Variants in TRIM6 observed in about 807,000 individuals in gnomAD.
TRIM6 encodes tripartite motif containing 6, also known as tripartite motif-containing protein 6.
In TRIM6, 43 loss-of-function variants were observed where a neutral mutation model predicts 51.2. The observed-to-expected ratio is 0.84, with a 90% CI of 0.66 to 1.08. The LOEUF (loss-of-function observed/expected upper bound fraction) is 1.08. Ranked by LOEUF, TRIM6 falls within the 50% of genes least tolerant of loss-of-function variation. TRIM6 has a pLI of 0.00. For synonymous variants in TRIM6, 215 were observed against 232.4 expected (o/e 0.93, Z 0.68); for missense variants, 669 against 619.0 (o/e 1.08, Z -0.86).
intron 5 of TRIM6, among the ~76,000 whole-genome samples, chr11:5,609,808 A>G (rs1239308833): frequency 2.6e-5 from 4 of 152,168 alleles, no homozygotes; most frequent in African/African-American, 9.7e-5. Context: ...CTGTAGTCCC[A>G]GCTACTCAGA....
intron 1 of TRIM6, among the ~76,000 whole-genome samples, chr11:5,597,121 C>T (rs1847516393): frequency 6.6e-6 from 1 of 152,168 alleles, no homozygotes; most frequent in South Asian, 2.1e-4. Flanking sequence ...AGCATAGATG[C>T]CGCAGCCAGA....
intron 7 of TRIM6, 92 bp from the exon 8 acceptor site, chr11:5,610,685 G>T: frequency 6.4e-7 from 1 of 1,571,088 alleles, no homozygotes. Flanking sequence ...TATAGTTCCA[G>T]TTCCTCCAAC....
intron 1 of TRIM6, among the ~76,000 whole-genome samples, chr11:5,599,298 C>T (rs950000701): frequency 6.6e-6 from 1 of 152,056 alleles, no homozygotes; most frequent in East Asian, 1.9e-4. Flanking sequence ...ACAGTTTTGC[C>T]TGAAATGAAA....
chr11:5,603,354 CT>C lies in TRIM6; in HGVS notation c.127del (p.Cys43AlafsTer8). On this transcript the variant is annotated frameshift_variant, in exon 2 of 8. Coordinates refer to ENST00000380097, the MANE Select transcript of TRIM6 (RefSeq NM_001003818.3). LOFTEE classifies it high-confidence loss of function. The part of the protein sequence containing the change: ...VLVDIREEVT[C>X]PICLELLTEP... ...TGGTGGACATACGAGAAGAGGTGAC[CT>C]GCCCTATCTGCCTGGAGCTCCTAAC... 6.2e-7 allele frequency: 1 copy of C among 1,614,040 alleles called. No individual in the cohort carries two copies. The highest frequency in any genetic ancestry group is 8.5e-7 in the Non-Finnish European group (1 of 1,180,014).
chr11:5,597,537 G>T (rs947493929), intron 1 of TRIM6, among the ~76,000 whole-genome samples: 1 of 151,882 alleles, frequency 6.6e-6, no homozygotes, highest in African/African-American at 2.4e-5. Context: ...CCTACACAAA[G>T]ATAAAAAAAA....
chr11:5,603,295 G>T lies in TRIM6; in HGVS notation c.67G>T (p.Ala23Ser). ...AGAAATCAGGGTTGGGCAGGCAGGA[G>T]CCAGGAGAGTAGCTACAATGACTTC... ...ILEIRVGQAG[A>S]RRVATMTSPV... Residue 23 changes from alanine (A) to serine (S), a missense_variant, in exon 2 of 8, where the codon GCC becomes TCC. Ala to Ser is a moderately conservative substitution (Grantham distance 99). Coordinates refer to ENST00000380097, the MANE Select transcript of TRIM6 (RefSeq NM_001003818.3). 6.2e-7 allele frequency: 1 copy of T among 1,614,122 alleles called. No homozygotes were observed. Among genetic ancestry groups the T allele is most frequent in the Non-Finnish European group, 8.5e-7 (1 of 1,180,022 alleles).
Position 5,605,553 on chromosome 11 carries a change from A to T in TRIM6, c.820A>T (p.Met274Leu). Residue 274 changes from methionine to leucine, a missense_variant, in exon 4 of 8, where the codon ATG becomes TTG. Met to Leu is a conservative substitution (Grantham distance 15). Transcript: ENST00000380097. ...GGAGCGTCGATGTCAGGGGTCAACA[A>T]TGGAGCTGCTGCAGGTAAGGCTTGT... ...DLERRCQGSTMELLQDVSDVT... is the reference protein window; with the variant it reads ...DLERRCQGSTLELLQDVSDVT... 1.9e-6 allele frequency: 3 copies of T among 1,613,142 alleles called. No homozygotes were observed. The highest frequency in any genetic ancestry group is 2.5e-6 in the Non-Finnish European group (3 of 1,179,590).
At position 5,611,103 on chromosome 11, in the gene TRIM6, C is replaced by T; in HGVS notation, c.1312C>T (p.His438Tyr). The change falls in exon 8 of 8, where the codon CAT becomes TAT. Residue 438 changes from histidine (H) to tyrosine (Y), a missense_variant. His to Tyr is a moderately conservative substitution (Grantham distance 83). Coordinates refer to ENST00000380097, the MANE Select transcript of TRIM6 (RefSeq NM_001003818.3). ...GYWVIGLQHN[H>Y]EYRAYEDSSP... is the part of the protein sequence containing the mutation. ...CTGGGTGATTGGGTTACAGCATAAC[C>T]ATGAATATAGGGCCTATGAGGATTC... The T allele has an allele frequency of 6.2e-7, 1 of 1,614,148 alleles. No homozygotes were observed. The highest frequency in any genetic ancestry group is 1.1e-5 in the South Asian group (1 of 91,082).
Position 5,596,711 on chromosome 11 carries a change from G to A in TRIM6, c.-187G>A, listed in dbSNP as rs560816571. On this transcript the variant is annotated 5_prime_UTR_variant, in exon 1 of 8. Coordinates refer to ENST00000380097, the MANE Select transcript of TRIM6 (RefSeq NM_001003818.3). ...GTCCGTTCAACGGCCAAAGGCTGGC[G>A]GAGGAGGGATCCCCTGCCTTTCTCG... 20 of 848,322 alleles carry A rather than the reference G, an allele frequency of 2.4e-5. No individual in the cohort carries two copies. Among genetic ancestry groups the A allele is most frequent in the South Asian group, 2.3e-4 (15 of 64,512 alleles). 52.5% of individuals were successfully genotyped at this position (848,322 alleles called of 1,614,324 possible). A position where few individuals can be genotyped will look rare whatever the true frequency, so the allele number is the denominator to read the frequency against.
In TRIM6 at chr11:5,596,681, G is replaced by T; in HGVS notation, c.-217G>T. The T allele has an allele frequency of 1.5e-6, 1 of 666,944 alleles. No individual in the cohort carries two copies. Among genetic ancestry groups the T allele is most frequent in the South Asian group, 1.9e-5 (1 of 53,890 alleles). 41.3% of individuals were successfully genotyped at this position (666,944 alleles called of 1,614,324 possible). A position where few individuals can be genotyped will look rare whatever the true frequency, so the allele number is the denominator to read the frequency against. ...GCCTTCCGCAAACTCCTGACCTGTG[G>T]GTCCGTCCGTTCAACGGCCAAAGGC... On this transcript the variant is annotated 5_prime_UTR_variant, in exon 1 of 8. Transcript: ENST00000380097.
intron 1 of TRIM6, 101 bp from the exon 2 acceptor site, chr11:5,603,145 C>T (rs1847969914): frequency 6.6e-7 from 1 of 1,510,760 alleles, no homozygotes; most frequent in Non-Finnish European, 8.8e-7. Context: ...CCCTTGTTAC[C>T]CCAGGTGTCT....
chr11:5,600,082 C>T (rs1006116505), intron 1 of TRIM6, among the ~76,000 whole-genome samples: 1 of 152,074 alleles, frequency 6.6e-6, no homozygotes, highest in Admixed American at 6.5e-5. Context: ...GTCTGTAACA[C>T]CAATTAGTAC....
rs60859015 is a variant in TRIM6, at chr11:5,599,383, ATATTTATTTATTTATT to A, written c.17+2491_17+2506del. Among the ~76,000 whole-genome samples, 6 of 146,936 alleles carry A rather than the reference ATATTTATTTATTTATT, an allele frequency of 4.1e-5. No individual in the cohort carries two copies. The East Asian group carries it at 8.0e-4, about 20-fold the overall frequency. On this transcript the variant is annotated intron_variant, in intron 1 of 7. Transcript: ENST00000380097. ...AAAATATAATACCAATACAATTATTATATTTATTTATTTATTTATTTATTTATTTATTTATTTTGAG... is the reference window on the plus strand; with the variant it reads ...AAAATATAATACCAATACAATTATTATATTTATTTATTTATTTATTTTGAG...
chr11:5,596,365 G>A (rs1233036788), upstream of TRIM6, among the ~76,000 whole-genome samples: 2 of 152,162 alleles, frequency 1.3e-5, no homozygotes, highest in Non-Finnish European at 2.9e-5. Context: ...TTGCAGCTGG[G>A]AATAGGCCGT....
At chr11:5,596,534 C>CG (rs1367579589), upstream of TRIM6, 7 of 25,926 alleles carry the variant, frequency 2.7e-4, no homozygotes, top group East Asian at 2.3e-3. Context: ...CCCCTTCCCC[C>CG]TTCCCCCTTC....
Position 5,605,349 on chromosome 11 carries a change from C to T in TRIM6, c.616C>T (p.Pro206Ser), listed in dbSNP as rs747078173. 6.2e-7 allele frequency: 1 copy of T among 1,614,018 alleles called. No individual in the cohort carries two copies. ...CCTGTTCCTGAAGAATCAGATGGAG[C>T]CTGAGAGATGCAGGATCCAGACAGA... ...KKTSWKNQME[P>S]ERCRIQTEFN... Residue 206 changes from proline (P) to serine (S), a missense_variant, in exon 4 of 8, where the codon CCT (proline) becomes TCT (serine). Pro to Ser is a moderately conservative substitution (Grantham distance 74). Coordinates refer to ENST00000380097, the MANE Select transcript of TRIM6 (RefSeq NM_001003818.3).
In TRIM6 at chr11:5,603,385, C is replaced by G; in HGVS notation, c.157C>G (p.Pro53Ala). ...TATCTGCCTGGAGCTCCTAACAGAA[C>G]CCCTGAGCATAGACTGTGGCCACAG... ...CPICLELLTE[P>A]LSIDCGHSFC... is the part of the protein sequence containing the mutation. The change falls in exon 2 of 8, where the codon CCC becomes GCC. Residue 53 changes from proline to alanine, a missense_variant. By Grantham distance (27) the Pro-to-Ala change is conservative. Transcript: ENST00000380097. The G allele has an allele frequency of 6.2e-7, 1 of 1,613,862 alleles. No individual in the cohort carries two copies. Among genetic ancestry groups the G allele is most frequent in the Non-Finnish European group, 8.5e-7 (1 of 1,179,838 alleles).
chr11:5,603,846 G>A, intron 2 of TRIM6, 111 bp downstream of exon 2: 1 of 1,464,498 alleles, frequency 6.8e-7, no homozygotes, highest in Non-Finnish European at 9.0e-7. Context: ...CCTAGAGAAT[G>A]AACCTGGAAA....
At chr11:5,604,243 A>G (rs563449373) in intron 2 of TRIM6, among the ~76,000 whole-genome samples, 1 of 152,106 alleles carries the variant, frequency 6.6e-6, no homozygotes, top group African/African-American at 2.4e-5. Context: ...CAAACTCCTG[A>G]GCTCAGGCAA....
Sources: allele counts gnomAD v4.1 joint callset (sites outside exome capture counted in the v4.1 genomes callset), GRCh38; gene constraint gnomAD v4.1.1; transcripts MANE v1.5; gene names NCBI Gene and HGNC (gene_info 2026-07-23, HGNC 2026-07-21).